The following NOL10 variants were observed in gnomAD, a reference collection of about 807,000 sequenced individuals.
NOL10 encodes the protein nucleolar protein 10, also known as H_NH0074G24.1.
A neutral mutation model predicts 103.5 loss-of-function variants in NOL10; 58 were observed. The observed-to-expected ratio is 0.56, with a 90% confidence interval of 0.45 to 0.70. NOL10 has a LOEUF of 0.70. NOL10 is among the 30% of genes least tolerant of loss of function. The pLI, the probability that NOL10 is intolerant of heterozygous loss-of-function variation, is 0.00. For missense variants in NOL10, 763 were observed against 807.3 expected (o/e 0.95, Z 0.67); for synonymous variants, 287 against 282.5 (o/e 1.02, Z -0.16).
At chr2:10,689,732 G>T in intron 1 of NOL10, 64 bp downstream of exon 1, 2 of 1,461,470 alleles carry the variant, frequency 1.4e-6, no homozygotes, top group East Asian at 4.9e-5. Context: ...GGAGAGGGGC[G>T]GCTGCCCCAC....
chr2:10,678,233 G>T (rs72777335), intron 3 of NOL10, among the ~76,000 whole-genome samples: 39,581 of 150,674 alleles, frequency 0.26, 5,290 homozygotes, highest in South Asian at 0.48. Flanking sequence ...TTTATTTTTT[G>T]TAGGGACAGG....
rs148187456 is a variant in NOL10, at chr2:10,652,379, T to C, written c.973+2102A>G. ...GAATTACCCAATTTTTCTGACCCCT[T>C]AAGAGGTAAGAAAAAAACAGAAAGA... On this transcript the variant is annotated intron_variant, in intron 12 of 20. Transcript: ENST00000381685. 7.4e-5 allele frequency among the ~76,000 whole-genome samples: 11 copies of C among 147,852 alleles called. No individual in the cohort carries two copies. The East Asian group carries it at 2.2e-3, about 29-fold the overall frequency.
intron 11 of NOL10, 52 bp downstream of exon 11, chr2:10,657,690 T>C: frequency 2.0e-6 from 3 of 1,475,226 alleles, no homozygotes; most frequent in Non-Finnish European, 2.8e-6. Flanking sequence ...GAAAGGATCA[T>C]TCGGAACACC....
rs1299735031 is a variant in NOL10 at position 10,638,209 on chromosome 2, C to G, written c.1026+6111G>C. On this transcript the variant is annotated intron_variant, in intron 13 of 20. Transcript: ENST00000381685. Reference sequence around the variant, plus strand: ...GCTGAGGCGGGAGGATGCTAGAGCCCCAAAGGATGAAGCTGCAGTGAGTTA... The same window carrying G: ...GCTGAGGCGGGAGGATGCTAGAGCCGCAAAGGATGAAGCTGCAGTGAGTTA... Among the ~76,000 whole-genome samples, 4 of 151,884 alleles carry G rather than the reference C, an allele frequency of 2.6e-5. No individual in the cohort carries two copies. The East Asian group carries it at 7.7e-4, about 29-fold the overall frequency.
Position 10,663,062 on chromosome 2 carries a change from A to C in NOL10, c.592-18T>G. The C allele has an allele frequency of 6.2e-7, 1 of 1,606,814 alleles. No individual in the cohort carries two copies. Among genetic ancestry groups the C allele is most frequent in the Non-Finnish European group, 8.5e-7 (1 of 1,173,744 alleles). On this transcript the variant is annotated intron_variant, in intron 8 of 20. Transcript: ENST00000381685. ...ACTCTACCCTATGCAAATGAAAAAC[A>C]ATTTTAAATAAAAGCTGTAGAAGGC...
At chr2:10,591,690 G>T (rs1291036770) in intron 17 of NOL10, among the ~76,000 whole-genome samples, 1 of 152,060 alleles carries the variant, frequency 6.6e-6, no homozygotes, top group Non-Finnish European at 1.5e-5. Context: ...ATGATCAACA[G>T]AAGTGTGCTT....
chr2:10,585,229 T>C (rs987341425), intron 19 of NOL10, among the ~76,000 whole-genome samples: 4 of 152,306 alleles, frequency 2.6e-5, no homozygotes, highest in Middle Eastern at 3.4e-3. Flanking sequence ...AAACAGCATA[T>C]ACTCAACAAA....
intron 13 of NOL10, among the ~76,000 whole-genome samples, chr2:10,627,881 G>A (rs1677580993): frequency 6.6e-6 from 1 of 150,542 alleles, no homozygotes. Context: ...TGTACCCCCT[G>A]AATCTAAAAA....
In NOL10 at chr2:10,652,658, C is replaced by A. The variant is rs572909239; in HGVS notation, c.973+1823G>T. On this transcript the variant is annotated intron_variant, in intron 12 of 20. Transcript: ENST00000381685. ...CATTCCCATCCGGTTTCTCAGCTGG[C>A]TCCTCCCCCTCATTCTCCCAAATGA... Among the ~76,000 whole-genome samples the A allele has an allele frequency of 5.2e-4, 79 of 152,268 alleles. No individual in the cohort carries two copies. The South Asian group carries it at 0.016, about 31-fold the overall frequency.
intron 9 of NOL10, among the ~76,000 whole-genome samples, chr2:10,660,976 G>GA (rs958567492): frequency 1.8e-4 from 27 of 149,934 alleles, no homozygotes; most frequent in African/African-American, 4.7e-4. Flanking sequence ...AACCAAATCA[G>GA]AAAAAAAACC....
chr2:10,575,736 G>A (rs1231372366), intron 20 of NOL10, among the ~76,000 whole-genome samples: 1 of 152,204 alleles, frequency 6.6e-6, no homozygotes, highest in Non-Finnish European at 1.5e-5. Flanking sequence ...GCCTCTGCAG[G>A]AGCTGAGGTG....
intron 17 of NOL10, among the ~76,000 whole-genome samples, chr2:10,594,056 G>A (rs967092113): frequency 6.6e-6 from 1 of 152,078 alleles, no homozygotes; most frequent in Non-Finnish European, 1.5e-5. Flanking sequence ...AATAACTATG[G>A]ATCATGGCAG....
chr2:10,687,083 T>TA (rs1215467373), intron 1 of NOL10, among the ~76,000 whole-genome samples: 1 of 138,610 alleles, frequency 7.2e-6, no homozygotes, highest in Non-Finnish European at 1.7e-5. Context: ...AATAAAAAGG[T>TA]AAAGCCCAGA....
chr2:10,638,839 G>A (rs368694927), intron 13 of NOL10, among the ~76,000 whole-genome samples: 2 of 113,278 alleles, frequency 1.8e-5, no homozygotes, highest in Admixed American at 1.2e-4. Flanking sequence ...TTCTTGCTCC[G>A]TTGCCCAGGC....
chr2:10,598,399 GCAA>G (rs1675807488), intron 17 of NOL10, among the ~76,000 whole-genome samples: 1 of 152,150 alleles, frequency 6.6e-6, no homozygotes, highest in Non-Finnish European at 1.5e-5. Flanking sequence ...AGATAAAACT[GCAA>G]CAACAAAAAT....
chr2:10,647,716 T>G (rs953541471), intron 12 of NOL10, among the ~76,000 whole-genome samples: 8 of 152,130 alleles, frequency 5.3e-5, no homozygotes, highest in African/African-American at 1.9e-4. Context: ...TATGGGGCAT[T>G]TGAGTTTACT....
chr2:10,583,283 G>A (rs1674855100), intron 19 of NOL10, among the ~76,000 whole-genome samples: 1 of 152,202 alleles, frequency 6.6e-6, no homozygotes, highest in South Asian at 2.1e-4. Context: ...TTTCTCTAGA[G>A]AGGTGTATGG....
At chr2:10,601,482 G>A (rs898742699) in intron 16 of NOL10, among the ~76,000 whole-genome samples, 21 of 152,150 alleles carry the variant, frequency 1.4e-4, no homozygotes, top group Middle Eastern at 3.4e-3. Flanking sequence ...TAGGGAACTC[G>A]CCCTCATTTC....
chr2:10,591,913 G>A (rs987680374), intron 17 of NOL10, among the ~76,000 whole-genome samples: 1 of 152,158 alleles, frequency 6.6e-6, no homozygotes, highest in South Asian at 2.1e-4. Flanking sequence ...TGAGGTAGGA[G>A]GATCGCTTGA....
Sources: gnomAD v4.1 joint callset for allele counts (sites outside exome capture counted in the v4.1 genomes callset) on GRCh38, gnomAD v4.1.1 for gene constraint, MANE v1.5 for transcripts, NCBI Gene and HGNC (gene_info 2026-07-23, HGNC 2026-07-21) for gene names.